The following PCDHGA4 variants were observed in gnomAD, a reference collection of about 807,000 sequenced individuals.
PCDHGA4 encodes the protein protocadherin gamma-A4.
Under a neutral mutation model 54.6 loss-of-function variants are expected in PCDHGA4, and 38 were observed. That is an observed-to-expected ratio of 0.70 (90% CI 0.54 to 0.91). The LOEUF (loss-of-function observed/expected upper bound fraction) is 0.91, where lower values mean the gene tolerates loss of function less well. Among genes scored for constraint, PCDHGA4 ranks in the 40% least tolerant of loss-of-function variants. The probability of loss-of-function intolerance (pLI) is 0.00; values close to 1 mark genes in which losing one functional copy is unlikely to be tolerated. For missense variants in PCDHGA4, 1,298 were observed against 1,220.9 expected, an observed-to-expected ratio of 1.06 and a Z score of -0.94; for synonymous variants, 511 against 512.9, an observed-to-expected ratio of 1.00 and a Z score of 0.05.
rs542553570 is a variant in PCDHGA4 at position 141,372,192 on chromosome 5, T to C, written c.2514+14571T>C. On this transcript the variant is annotated intron_variant, in intron 1 of 3. Coordinates refer to ENST00000571252, the MANE Select transcript of PCDHGA4 (RefSeq NM_018917.4). The stretch of plus-strand genomic sequence containing the variant: ...GGTGGCGGTGGACGCAGACTCGGGA[T>C]ACAACGCCTGGCTGTCCTACCACAT... 6.2e-6 allele frequency: 10 copies of C among 1,613,546 alleles called. No homozygotes were observed. Among genetic ancestry groups the C allele is most frequent in the Middle Eastern group, 1.7e-4 (1 of 6,028 alleles).
rs773126086 is a variant in PCDHGA4 at position 141,487,392 on chromosome 5, G to C, written c.2515-7415G>C. The C allele has an allele frequency of 6.2e-7, 1 of 1,614,176 alleles. No homozygotes were observed. Among genetic ancestry groups the C allele is most frequent in the Non-Finnish European group, 8.5e-7 (1 of 1,180,024 alleles). ...GCCTGTCTCACCAGATCTCGAAGGA[G>C]GGAGGGGCTTCCCCCTTCCAATGGG... On this transcript the variant is annotated intron_variant, in intron 1 of 3. Coordinates refer to ENST00000571252, the MANE Select transcript of PCDHGA4 (RefSeq NM_018917.4). This position sits in a 1 kb window ranked among gnomAD's most constrained non-coding sequence, Gnocchi z 5.0.
At chr5:141,377,488 C>T (rs1774054188) in intron 1 of PCDHGA4, 1 of 151,792 alleles carries the variant, frequency 6.6e-6, no homozygotes, top group Admixed American at 6.6e-5. Flanking sequence ...CCCAGCTACT[C>T]GAGAAGCTCT....
chr5:141,395,084 C>A (rs757269551), intron 1 of PCDHGA4: 1 of 1,614,190 alleles, frequency 6.2e-7, no homozygotes, highest in South Asian at 1.1e-5. Flanking sequence ...CCCAGGAAGT[C>A]TCCCTCACCG....
intron 1 of PCDHGA4, chr5:141,419,479 C>T (rs764891283): frequency 6.2e-7 from 1 of 1,612,390 alleles, no homozygotes; most frequent in Non-Finnish European, 8.5e-7. Context: ...AGGGCTCGCC[C>T]GCGCTCAGCG....
chr5:141,404,334 T>G (rs1201635505), intron 1 of PCDHGA4: 2 of 1,613,882 alleles, frequency 1.2e-6, no homozygotes, highest in Non-Finnish European at 1.7e-6. Flanking sequence ...TCAGTCTACC[T>G]CCCGGAAAAC....
chr5:141,360,300 G>A (rs746090550), intron 1 of PCDHGA4: 3 of 1,613,860 alleles, frequency 1.9e-6, no homozygotes, highest in East Asian at 2.2e-5. Flanking sequence ...AGGATCTGGG[G>A]CTCAGCGTCC....
chr5:141,400,121 A>C lies in PCDHGA4; in HGVS notation c.2514+42500A>C. On this transcript the variant is annotated intron_variant, in intron 1 of 3. Coordinates refer to ENST00000571252, the MANE Select transcript of PCDHGA4 (RefSeq NM_018917.4). Reference sequence around the variant, plus strand: ...CACTTGGTCTTTGCTGACAGCTTGCAGGAGGTGCTGCCGGATATCACTGAC... The same window carrying C: ...CACTTGGTCTTTGCTGACAGCTTGCCGGAGGTGCTGCCGGATATCACTGAC... 1.2e-6 allele frequency: 2 copies of C among 1,614,054 alleles called. No individual in the cohort carries two copies. The highest frequency in any genetic ancestry group is 1.7e-6 in the Non-Finnish European group (2 of 1,179,890).
chr5:141,491,723 G>C lies in PCDHGA4; in HGVS notation c.2515-3084G>C. The C allele has an allele frequency of 1.2e-6, 2 of 1,606,770 alleles. No homozygotes were observed. The highest frequency in any genetic ancestry group is 1.7e-6 in the Non-Finnish European group (2 of 1,177,028). On this transcript the variant is annotated intron_variant, in intron 1 of 3. Transcript: ENST00000571252. The surrounding 1 kb of genome is among the most constrained non-coding windows in gnomAD (Gnocchi z 6.9). The stretch of plus-strand genomic sequence containing the variant: ...CAGGTGAGGGGCTCGGCGCCGCCCC[G>C]GGCGACCCCTGGGGGCGGCACTGGA...
intron 1 of PCDHGA4, chr5:141,404,176 A>G (rs763166170): frequency 7.4e-6 from 12 of 1,613,206 alleles, no homozygotes; most frequent in South Asian, 2.2e-5. Context: ...TGACGGCCCA[A>G]ATTCTTGACC....
At chr5:141,371,895 C>T (rs1561553190) in intron 1 of PCDHGA4, 1 of 1,613,450 alleles carries the variant, frequency 6.2e-7, no homozygotes. Context: ...GCCGCGGGAG[C>T]TGTCGTCCTA....
intron 2 of PCDHGA4, among the ~76,000 whole-genome samples, chr5:141,499,297 T>A (rs1449576891): frequency 1.3e-5 from 2 of 152,036 alleles, no homozygotes; most frequent in Non-Finnish European, 2.9e-5. Flanking sequence ...CACACTACCA[T>A]CCCTCCTCTG....
intron 1 of PCDHGA4, chr5:141,367,592 A>T (rs1303624910): frequency 1.3e-5 from 2 of 152,018 alleles, no homozygotes; most frequent in African/African-American, 2.4e-5. Flanking sequence ...AGTAGATAAA[A>T]TTTATATTAA....
At chr5:141,372,809 G>C (rs1484993556) in intron 1 of PCDHGA4, 5 of 1,587,612 alleles carry the variant, frequency 3.1e-6, no homozygotes, top group Non-Finnish European at 4.3e-6. Context: ...ATTTGCAAAA[G>C]GTGAGTTTCT....
intron 1 of PCDHGA4, among the ~76,000 whole-genome samples, chr5:141,442,633 C>A (rs1210890820): frequency 6.6e-6 from 1 of 152,158 alleles, no homozygotes; most frequent in Admixed American, 6.5e-5. Flanking sequence ...AGCAGCAAGA[C>A]CAAAGGCCTA....
chr5:141,427,822 T>C (rs1446832816), intron 1 of PCDHGA4: 1 of 1,534,220 alleles, frequency 6.5e-7, no homozygotes, highest in Non-Finnish European at 8.9e-7. Flanking sequence ...GGGGTGGTGG[T>C]CGCGCAGCGT....
chr5:141,430,666 G>A (rs2097301396), intron 1 of PCDHGA4: 1 of 1,222,518 alleles, frequency 8.2e-7, no homozygotes, highest in Admixed American at 2.7e-5. Flanking sequence ...GAGGAGCTCT[G>A]ACTTCCCAAC....
intron 2 of PCDHGA4, among the ~76,000 whole-genome samples, chr5:141,504,997 AC>A (rs554150488): frequency 9.9e-5 from 15 of 152,238 alleles, no homozygotes; most frequent in African/African-American, 2.9e-4. Flanking sequence ...CCCCGTCTGT[AC>A]TAAAAATACA....
At chr5:141,406,421 A>G (rs981815055) in intron 1 of PCDHGA4, among the ~76,000 whole-genome samples, 2 of 152,222 alleles carry the variant, frequency 1.3e-5, no homozygotes, top group East Asian at 1.9e-4. Flanking sequence ...GAAAGCCCAG[A>G]TTTATTGCTT....
chr5:141,494,745 G>C, intron 1 of PCDHGA4, 62 bp from the exon 2 acceptor site: 1 of 1,612,802 alleles, frequency 6.2e-7, no homozygotes, highest in Middle Eastern at 1.7e-4. Flanking sequence ...ATCCCTAGGG[G>C]CTCGGGTGAC....
Sources: gnomAD v4.1 joint callset for allele counts (sites outside exome capture counted in the v4.1 genomes callset) on GRCh38, gnomAD v4.1.1 for gene constraint, Gnocchi (gnomAD v3.1) non-coding constraint, MANE v1.5 for transcripts, NCBI Gene and HGNC (gene_info 2026-07-23, HGNC 2026-07-21) for gene names.